TCFL5: variants seen among roughly 807,000 people sequenced by gnomAD.
TCFL5 encodes the protein transcription factor-like 5 protein.
A neutral mutation model predicts 44.3 loss-of-function variants in TCFL5; 9 were observed. That is an observed-to-expected ratio of 0.20 (90% CI 0.12 to 0.35). The LOEUF (loss-of-function observed/expected upper bound fraction) is 0.35, where lower values mean the gene tolerates loss of function less well. TCFL5 is among the 10% of genes least tolerant of loss of function. The pLI, the probability that TCFL5 is intolerant of heterozygous loss-of-function variation, is 1.00. For synonymous variants in TCFL5, 319 were observed against 271.6 expected (o/e 1.17, Z -1.72); for missense variants, 603 against 613.4 (o/e 0.98, Z 0.18).
Position 62,845,539 on chromosome 20 carries a change from G to A in TCFL5, c.1381-3442C>T, listed in dbSNP as rs77794068. On this transcript the variant is annotated intron_variant, in intron 5 of 5. Transcript: ENST00000335351. Reference sequence around the variant, plus strand: ...TAAAAAACACTTGCCTATTTGGCAAGATAGAATTCACCTTTCAGGACAATT... The same window carrying A: ...TAAAAAACACTTGCCTATTTGGCAAAATAGAATTCACCTTTCAGGACAATT... 2,809 of 1,455,326 alleles carry A rather than the reference G, an allele frequency of 1.9e-3. 48 individuals carry two copies. In the African/African-American group the frequency reaches 0.035, roughly 18 times the overall value. 90.2% of individuals were successfully genotyped at this position (1,455,326 alleles called of 1,614,324 possible).
intron 5 of TCFL5, chr20:62,844,873 G>A (rs2063722125): frequency 1.0e-6 from 1 of 985,148 alleles, no homozygotes; most frequent in Non-Finnish European, 1.2e-6. Flanking sequence ...TGGGATTACA[G>A]GCGGGAGCCA....
At chr20:62,858,341 A>G (rs898264795) in intron 3 of TCFL5, among the ~76,000 whole-genome samples, 3 of 152,196 alleles carry the variant, frequency 2.0e-5, no homozygotes, top group Non-Finnish European at 2.9e-5. Flanking sequence ...TTTCAGAAGG[A>G]TGATGAAGCT....
Position 62,847,735 on chromosome 20 carries a change from C to T in TCFL5, c.1381-5638G>A, listed in dbSNP as rs184806460. Among the ~76,000 whole-genome samples the T allele has an allele frequency of 3.6e-3, 549 of 152,326 alleles. 6 individuals are homozygous for T. The highest frequency in any genetic ancestry group is 0.012 in the African/African-American group (509 of 41,574). On this transcript the variant is annotated intron_variant, in intron 5 of 5. Transcript: ENST00000335351. ...AATGAAAATCCGTATGTAGGCCAGG[C>T]GCGGTGGCTCACGTTGGTAATCCCA...
chr20:62,849,426 T>A (rs974662771), intron 5 of TCFL5, among the ~76,000 whole-genome samples: 35 of 152,276 alleles, frequency 2.3e-4, no homozygotes, highest in African/African-American at 6.5e-4. Flanking sequence ...ACCGGCCTGA[T>A]CTCTTCAAAG....
At position 62,851,749 on chromosome 20, in the gene TCFL5, G is replaced by A. The variant is rs6122322; in HGVS notation, c.1380+2267C>T. On this transcript the variant is annotated intron_variant, in intron 5 of 5. Coordinates refer to ENST00000335351, the MANE Select transcript of TCFL5 (RefSeq NM_006602.4). ...AACTATTGCCTGGCGCTGAAGAGAC[G>A]AGCCCTCACTCAACACAGCCCAGCT... 19,656 of 985,356 alleles carry A rather than the reference G, an allele frequency of 0.02. 653 individuals are homozygous for A. The East Asian group carries it at 0.21, about 10-fold the overall frequency. 61.0% of individuals were successfully genotyped at this position (985,356 alleles called of 1,614,324 possible).
chr20:62,844,571 G>GTTTTTT (rs1244475923), intron 5 of TCFL5, among the ~76,000 whole-genome samples: 5 of 136,550 alleles, frequency 3.7e-5, no homozygotes, highest in African/African-American at 1.6e-4. Context: ...GTTTTTTTTT[G>GTTTTTT]TTTGTTTTTT....
At position 62,845,160 on chromosome 20, in the gene TCFL5, C is replaced by T. The variant is rs3787514; in HGVS notation, c.1381-3063G>A. On this transcript the variant is annotated intron_variant, in intron 5 of 5. Coordinates refer to ENST00000335351, the MANE Select transcript of TCFL5 (RefSeq NM_006602.4). Reference sequence around the variant, plus strand: ...TTTGGATATGGAGTTTCACTCTTGTCGCCCAGACTGGGGTGCAATGGCACG... The same window carrying T: ...TTTGGATATGGAGTTTCACTCTTGTTGCCCAGACTGGGGTGCAATGGCACG... 0.02 allele frequency: 19,515 copies of T among 982,338 alleles called. 643 individuals are homozygous for T. In the East Asian group the frequency reaches 0.2, roughly 10 times the overall value. The allele number at this position is 982,338 out of a possible 1,614,324, so 60.9% of individuals were successfully genotyped here.
chr20:62,844,574 TG>T (rs370269952), intron 5 of TCFL5, among the ~76,000 whole-genome samples: 4,309 of 142,182 alleles, frequency 0.03, 247 homozygotes, highest in African/African-American at 0.12. Context: ...TTTTTTTGTT[TG>T]TTTTTTGTTT....
At position 62,854,112 on chromosome 20, in the gene TCFL5, C is replaced by T. The variant is rs769629804; in HGVS notation, c.1284G>A (p.Pro428=). ...CCTTGTCAGTCTCGGCATTGCAGAACGGCACTAAGAGATTCAACTCATCAC... is the reference window on the plus strand; with the variant it reads ...CCTTGTCAGTCTCGGCATTGCAGAATGGCACTAAGAGATTCAACTCATCAC... ...ICCDELNLLV[P]FCNAETDKAT... is the part of the protein sequence containing the mutation. The change falls in exon 5 of 6, where the codon CCG becomes CCA. Residue 428 remains proline (P), a synonymous_variant. Coordinates refer to ENST00000335351, the MANE Select transcript of TCFL5 (RefSeq NM_006602.4). 41 of 1,614,002 alleles carry T rather than the reference C, an allele frequency of 2.5e-5. 1 individual carries two copies. Among genetic ancestry groups the T allele is most frequent in the African/African-American group, 2.0e-4 (15 of 74,904 alleles).
rs11086140 is a variant in TCFL5, at chr20:62,845,123, A to ATT, written c.1381-3028_1381-3027dup. On this transcript the variant is annotated intron_variant, in intron 5 of 5. Transcript: ENST00000335351. ...TATAAATATACTCATTTTCTTCCCA[A>ATT]TTTTTTTTTTTTTTGGATATGGAGT... The ATT allele has an allele frequency of 4.1e-3, 3,588 of 880,748 alleles. 50 individuals carry two copies. The African/African-American group carries it at 0.05, about 12-fold the overall frequency. The allele number at this position is 880,748 out of a possible 1,614,324, so 54.6% of individuals were successfully genotyped here. A position where few individuals can be genotyped will look rare whatever the true frequency, so the allele number is the denominator to read the frequency against.
intron 2 of TCFL5, among the ~76,000 whole-genome samples, 182 bp from the exon 3 acceptor site, chr20:62,859,708 T>C (rs2147295707): frequency 6.8e-6 from 1 of 146,360 alleles, no homozygotes; most frequent in Non-Finnish European, 1.5e-5. Context: ...CACAGGTATT[T>C]TTTTGTTTTT....
chr20:62,847,513 C>G (rs943938714), intron 5 of TCFL5, among the ~76,000 whole-genome samples: 3 of 152,218 alleles, frequency 2.0e-5, no homozygotes, highest in African/African-American at 4.8e-5. Flanking sequence ...CAGAGGGGTA[C>G]AGCAGACCAA....
rs1236674378 is a variant in TCFL5, at chr20:62,842,501, C to T, written c.1381-404G>A. Among the ~76,000 whole-genome samples the T allele has an allele frequency of 1.3e-5, 2 of 152,216 alleles. No homozygotes were observed. On this transcript the variant is annotated intron_variant, in intron 5 of 5. Transcript: ENST00000335351. The surrounding 1 kb of genome is among the most constrained non-coding windows in gnomAD (Gnocchi z 4.3). ...TTCAGGCCGGGCGTGGCGGCTCACG[C>T]CTATAATCCCAGCACTTTGGGAGGC...
intron 5 of TCFL5, chr20:62,845,730 T>A (rs1354171537): frequency 6.2e-7 from 1 of 1,606,610 alleles, no homozygotes; most frequent in Admixed American, 1.7e-5. Flanking sequence ...GGAGACATAT[T>A]TCTGTCCCTG....
chr20:62,860,840 G>A (rs1372978229), intron 1 of TCFL5, among the ~76,000 whole-genome samples, 184 bp downstream of exon 1: 3 of 152,180 alleles, frequency 2.0e-5, no homozygotes, highest in Non-Finnish European at 2.9e-5. Flanking sequence ...CTGCTCCCCG[G>A]GGCCCGCACA....
At chr20:62,844,740 C>T (rs2063720650) in intron 5 of TCFL5, 2 of 304,856 alleles carry the variant, frequency 6.6e-6, no homozygotes, top group South Asian at 2.6e-4. Context: ...GGATTACAGG[C>T]ACCTGCCACC....
intron 5 of TCFL5, chr20:62,852,463 C>T: frequency 7.1e-6 from 7 of 985,498 alleles, no homozygotes; most frequent in Non-Finnish European, 8.4e-6. Context: ...TTTTAGGCCA[C>T]TGAGGGGCTG....
Position 62,859,437 on chromosome 20 carries a change from T to G in TCFL5, c.921A>C (p.Glu307Asp). Residue 307 changes from glutamate to aspartate, a missense_variant, in exon 3 of 6, where the codon GAA (glutamate) becomes GAC (aspartate). Glu to Asp is a conservative substitution (Grantham distance 45). Transcript: ENST00000335351. ...PRAFSFCYQQEIESTKQTLGS... is the reference protein window; with the variant it reads ...PRAFSFCYQQDIESTKQTLGS... ...CTAACGTCTGTTTAGTGGATTCAAT[T>G]TCTTGCTGATAACAGAAAGAAAATG... 1 of 1,614,138 alleles carries G rather than the reference T, an allele frequency of 6.2e-7. No homozygotes were observed. Among genetic ancestry groups the G allele is most frequent in the Non-Finnish European group, 8.5e-7 (1 of 1,179,994 alleles).
intron 4 of TCFL5, 26 bp downstream of exon 4, chr20:62,857,369 G>T: frequency 6.2e-7 from 1 of 1,611,642 alleles, no homozygotes; most frequent in Non-Finnish European, 8.5e-7. Context: ...ATATGAGTCA[G>T]CCTGACAAGC....
Sources: gnomAD v4.1 joint callset for allele counts (sites outside exome capture counted in the v4.1 genomes callset) on GRCh38, gnomAD v4.1.1 for gene constraint, Gnocchi (gnomAD v3.1) non-coding constraint, MANE v1.5 for transcripts, NCBI Gene and HGNC (gene_info 2026-07-23, HGNC 2026-07-21) for gene names.